Variants in DOLK observed in about 807,000 individuals in gnomAD.
The protein encoded by DOLK is SEC59 homolog.
DOLK carries 20 observed loss-of-function variants against 31.7 expected under a neutral mutation model. The ratio of observed to expected loss-of-function variants is 0.63; its 90% CI spans 0.44 to 0.92. DOLK has a LOEUF of 0.92. Among genes scored for constraint, DOLK ranks in the 40% least tolerant of loss-of-function variants. DOLK has a pLI of 0.00. For synonymous variants in DOLK, 309 were observed against 287.0 expected, an observed-to-expected ratio of 1.08 and a Z score of -0.77; for missense variants, 594 against 680.7, an observed-to-expected ratio of 0.87 and a Z score of 1.42.
chr9:128,946,551 G>A lies in DOLK; in HGVS notation c.753C>T (p.Gly251=). The A allele has an allele frequency of 6.2e-7, 1 of 1,614,110 alleles. No homozygotes were observed. The highest frequency in any genetic ancestry group is 1.3e-5 in the African/African-American group (1 of 75,016). ...GGAAGAAGATGGAGGAGGCCCAGGT[G>A]CCTGAGTCCATGAAGACAAACAGAG... The part of the protein sequence containing the change: ...FSTLFVFMDS[G]TWASSIFFHL... The change falls in exon 1 of 1, where the codon GGC becomes GGT. Residue 251 remains glycine, a synonymous_variant. Coordinates refer to ENST00000372586, the MANE Select transcript of DOLK (RefSeq NM_014908.4).
rs777005399 is a variant in DOLK at position 128,947,130 on chromosome 9, G to C, written c.174C>G (p.Tyr58Ter). ...ALAVQAFYVQ[Y>*]KWDRLLQQGS... is the part of the protein sequence containing the mutation. ...CCTGCTGTAGCAGCCGGTCCCACTT[G>C]TATTGGACGTAGAAGGCCTGCACTG... is the stretch of plus-strand genomic sequence containing the variant. Residue 58 changes from tyrosine to a stop codon, truncating the protein, a stop_gained, in exon 1 of 1, where the codon TAC (tyrosine) becomes TAG (stop). Transcript: ENST00000372586. LOFTEE classifies it high-confidence loss of function. 1 of 1,613,946 alleles carries C rather than the reference G, an allele frequency of 6.2e-7. No individual in the cohort carries two copies. The highest frequency in any genetic ancestry group is 8.5e-7 in the Non-Finnish European group (1 of 1,180,024).
chr9:128,945,759 G>C lies in DOLK; in HGVS notation c.1545C>G (p.Leu515=). 2 of 1,614,180 alleles carry C rather than the reference G, an allele frequency of 1.2e-6. No homozygotes were observed. Among genetic ancestry groups the C allele is most frequent in the Non-Finnish European group, 1.7e-6 (2 of 1,180,036 alleles). Residue 515 remains leucine (L), a synonymous_variant, in exon 1 of 1, where the codon CTC becomes CTG. Transcript: ENST00000372586. ...WILGSISTVS[L]LEAYTTQIDN... Reference sequence around the variant, plus strand: ...CTATCTGTGTAGTGTATGCTTCCAGGAGGGACACAGTGCTGATGGACCCCA... The same window carrying C: ...CTATCTGTGTAGTGTATGCTTCCAGCAGGGACACAGTGCTGATGGACCCCA...
At position 128,946,028 on chromosome 9, in the gene DOLK, AG is replaced by A. The variant is rs1401485925; in HGVS notation, c.1275del (p.Cys426AlafsTer52). ...CCTCCCAGGCTACCCTTCTGTGTGCAGGGTCTGGGGATCAGCCAGATGGGAA... is the reference window on the plus strand; with the variant it reads ...CCTCCCAGGCTACCCTTCTGTGTGCAGGTCTGGGGATCAGCCAGATGGGAA... ...MSLPIWLIPRPCTQKGSLGGA... is the reference protein window; with the variant it reads ...MSLPIWLIPRXCTQKGSLGGA... On this transcript the variant is annotated frameshift_variant, in exon 1 of 1. Transcript: ENST00000372586. LOFTEE classifies it high-confidence loss of function. 2 of 1,614,126 alleles carry A rather than the reference AG, an allele frequency of 1.2e-6. No individual in the cohort carries two copies. The highest frequency in any genetic ancestry group is 1.7e-6 in the Non-Finnish European group (2 of 1,180,028).
At position 128,946,430 on chromosome 9, in the gene DOLK, A is replaced by G. The variant is rs761583636; in HGVS notation, c.874T>C (p.Phe292Leu). 6.2e-7 allele frequency: 1 copy of G among 1,614,096 alleles called. No homozygotes were observed. Among genetic ancestry groups the G allele is most frequent in the East Asian group, 2.2e-5 (1 of 44,874 alleles). Residue 292 changes from phenylalanine to leucine, a missense_variant, in exon 1 of 1, where the codon TTC becomes CTC. By Grantham distance (22) the Phe-to-Leu change is conservative. Coordinates refer to ENST00000372586, the MANE Select transcript of DOLK (RefSeq NM_014908.4). Reference protein sequence around the residue: ...NPLLWLLQFLFQTDTRIYLLA... With the variant: ...NPLLWLLQFLLQTDTRIYLLA... ...AGGTAGATGCGGGTGTCTGTCTGGAAGAGAAACTGAAGAAGCCAGAGCAGG... is the reference window on the plus strand; with the variant it reads ...AGGTAGATGCGGGTGTCTGTCTGGAGGAGAAACTGAAGAAGCCAGAGCAGG...
rs2131129450 is a variant in DOLK at position 128,947,270 on chromosome 9, G to T, written c.34C>A (p.Pro12Thr). The change falls in exon 1 of 1, where the codon CCT becomes ACT. Residue 12 changes from proline to threonine, a missense_variant. Pro to Thr is a conservative substitution (Grantham distance 38, BLOSUM62 -1). Coordinates refer to ENST00000372586, the MANE Select transcript of DOLK (RefSeq NM_014908.4). The stretch of plus-strand genomic sequence containing the variant: ...ACCGATCCACTCAGCGGAGCCCCAG[G>T]CCCCGGGGCCGGAGATGGGCACTCT... Reference protein sequence around the residue: ...TRECPSPAPGPGAPLSGSVLA... With the variant: ...TRECPSPAPGTGAPLSGSVLA... The T allele has an allele frequency of 6.2e-7, 1 of 1,613,296 alleles. No homozygotes were observed. The highest frequency in any genetic ancestry group is 8.5e-7 in the Non-Finnish European group (1 of 1,179,980).
Position 128,947,250 on chromosome 9 carries a change from T to G in DOLK, c.54A>C (p.Gly18=). The G allele has an allele frequency of 6.2e-7, 1 of 1,613,402 alleles. No homozygotes were observed. Among genetic ancestry groups the G allele is most frequent in the Non-Finnish European group, 8.5e-7 (1 of 1,179,942 alleles). The change falls in exon 1 of 1, where the codon GGA becomes GGC. Residue 18 remains glycine (G), a synonymous_variant. Coordinates refer to ENST00000372586, the MANE Select transcript of DOLK (RefSeq NM_014908.4). Reference sequence around the variant, plus strand: ...CTACTGCCGCCTCTGCCAGCACCGATCCACTCAGCGGAGCCCCAGGCCCCG... The same window carrying G: ...CTACTGCCGCCTCTGCCAGCACCGAGCCACTCAGCGGAGCCCCAGGCCCCG... ...PAPGPGAPLS[G]SVLAEAAVVF...
rs1385561774 is a variant in DOLK, at chr9:128,947,117, G to C, written c.187C>G (p.Leu63Val). Reference sequence around the variant, plus strand: ...AAGACGGCGCTTCCCTGCTGTAGCAGCCGGTCCCACTTGTATTGGACGTAG... The same window carrying C: ...AAGACGGCGCTTCCCTGCTGTAGCACCCGGTCCCACTTGTATTGGACGTAG... ...AFYVQYKWDR[L>V]LQQGSAVFQF... is the part of the protein sequence containing the mutation. Residue 63 changes from leucine (L) to valine (V), a missense_variant, in exon 1 of 1, where the codon CTG becomes GTG. By Grantham distance (32) the Leu-to-Val change is conservative (BLOSUM62 1). Coordinates refer to ENST00000372586, the MANE Select transcript of DOLK (RefSeq NM_014908.4). The C allele has an allele frequency of 1.9e-6, 3 of 1,613,870 alleles. No individual in the cohort carries two copies. Among genetic ancestry groups the C allele is most frequent in the African/African-American group, 2.7e-5 (2 of 74,912 alleles).
chr9:128,947,525 C>T lies in DOLK; in HGVS notation c.-222G>A. The T allele has an allele frequency of 2.2e-6, 2 of 898,552 alleles. No individual in the cohort carries two copies. The highest frequency in any genetic ancestry group is 1.7e-6 in the Non-Finnish European group (1 of 593,856). 55.7% of individuals were successfully genotyped at this position (898,552 alleles called of 1,614,324 possible). A position where few individuals can be genotyped will look rare whatever the true frequency, so the allele number is the denominator to read the frequency against. ...AGCCTCCAACCTACGGCGTAGACGT[C>T]GCCACTCTGCAGCCTTCCTCACAGT... is the stretch of plus-strand genomic sequence containing the variant. On this transcript the variant is annotated 5_prime_UTR_variant, in exon 1 of 1. Transcript: ENST00000372586.
rs1841700200 is a variant in DOLK at position 128,947,600 on chromosome 9, T to C, written c.-297A>G. 3.9e-6 allele frequency: 5 copies of C among 1,274,586 alleles called. No individual in the cohort carries two copies. The highest frequency in any genetic ancestry group is 5.3e-6 in the Non-Finnish European group (5 of 951,246). The allele number at this position is 1,274,586 out of a possible 1,614,324, so 79.0% of individuals were successfully genotyped here. A position where few individuals can be genotyped will look rare whatever the true frequency, so the allele number is the denominator to read the frequency against. ...CTCACCTCTTTGGGCCTCGCCATCT[T>C]GGCACCGCCCCGCGGCAACGTCACG... is the stretch of plus-strand genomic sequence containing the variant. On this transcript the variant is annotated 5_prime_UTR_variant, in exon 1 of 1. Coordinates refer to ENST00000372586, the MANE Select transcript of DOLK (RefSeq NM_014908.4).
chr9:128,945,825 A>G lies in DOLK; in HGVS notation c.1479T>C (p.Phe493=). Residue 493 remains phenylalanine (F), a synonymous_variant, in exon 1 of 1, where the codon TTT becomes TTC. Transcript: ENST00000372586. ...TGTAGTTTAGGTCCACTCCACTGTC[A>G]AAGATTAAGATCAGAGCTACAGAAA... is the stretch of plus-strand genomic sequence containing the variant. ...QIISVALILI[F]DSGVDLNYSY... The G allele has an allele frequency of 1.2e-6, 2 of 1,614,238 alleles. No homozygotes were observed. Among genetic ancestry groups the G allele is most frequent in the Non-Finnish European group, 1.7e-6 (2 of 1,180,044 alleles).
rs1319843860 is a variant in DOLK, at chr9:128,946,297, G to A, written c.1007C>T (p.Ala336Val). 1.9e-6 allele frequency: 3 copies of A among 1,614,164 alleles called. No homozygotes were observed. Among genetic ancestry groups the A allele is most frequent in the Non-Finnish European group, 2.5e-6 (3 of 1,180,048 alleles). The change falls in exon 1 of 1, where the codon GCC (alanine) becomes GTC (valine). Residue 336 changes from alanine (A) to valine (V), a missense_variant. Physicochemically the swap from Ala to Val is moderately conservative, Grantham distance 64 (BLOSUM62 0). Coordinates refer to ENST00000372586, the MANE Select transcript of DOLK (RefSeq NM_014908.4). Reference sequence around the variant, plus strand: ...CACAATGAGGTGGAAATACTTTCGGGCGATGGTGGGGGCCTGGTGCTTCTT... The same window carrying A: ...CACAATGAGGTGGAAATACTTTCGGACGATGGTGGGGGCCTGGTGCTTCTT... ...ESKKHQAPTIARKYFHLIVVA... is the reference protein window; with the variant it reads ...ESKKHQAPTIVRKYFHLIVVA...
chr9:128,947,120 G>T lies in DOLK; in HGVS notation c.184C>A (p.Arg62=), dbSNP rs533764998. 5.6e-6 allele frequency: 9 copies of T among 1,613,934 alleles called. No individual in the cohort carries two copies. The African/African-American group carries it at 6.7e-5, about 12-fold the overall frequency. The part of the protein sequence containing the change: ...QAFYVQYKWD[R]LLQQGSAVFQ... The stretch of plus-strand genomic sequence containing the variant: ...ACGGCGCTTCCCTGCTGTAGCAGCC[G>T]GTCCCACTTGTATTGGACGTAGAAG... Residue 62 remains arginine, a synonymous_variant, in exon 1 of 1, where the codon CGG becomes AGG. Transcript: ENST00000372586.
Position 128,946,960 on chromosome 9 carries a change from GC to G in DOLK, c.343del (p.Ala115GlnfsTer41). Reference protein sequence around the residue: ...PFFERFGIVVAATGMAVALFS... With the variant: ...PFFERFGIVVXATGMAVALFS... ...GAGGGCCACTGCCATGCCAGTGGCTGCCACCACAATGCCAAAACGCTCAAAG... is the reference window on the plus strand; with the variant it reads ...GAGGGCCACTGCCATGCCAGTGGCTGCACCACAATGCCAAAACGCTCAAAG... On this transcript the variant is annotated frameshift_variant, in exon 1 of 1. Coordinates refer to ENST00000372586, the MANE Select transcript of DOLK (RefSeq NM_014908.4). LOFTEE classifies it high-confidence loss of function. 6.2e-7 allele frequency: 1 copy of G among 1,602,908 alleles called. No homozygotes were observed. Among genetic ancestry groups the G allele is most frequent in the Non-Finnish European group, 8.5e-7 (1 of 1,178,210 alleles).
chr9:128,946,701 A>C lies in DOLK; in HGVS notation c.603T>G (p.Ile201Met), dbSNP rs765382712. The change falls in exon 1 of 1, where the codon ATT (isoleucine) becomes ATG (methionine). Residue 201 changes from isoleucine (I) to methionine (M), a missense_variant. Physicochemically the swap from Ile to Met is conservative, Grantham distance 10. Coordinates refer to ENST00000372586, the MANE Select transcript of DOLK (RefSeq NM_014908.4). ...PGEALLVLGG[I>M]SFVLNQLIKR... ...TGATGAGCTGGTTGAGGACAAAGCTAATGCCACCCAATACCAGCAGTGCCT... is the reference window on the plus strand; with the variant it reads ...TGATGAGCTGGTTGAGGACAAAGCTCATGCCACCCAATACCAGCAGTGCCT... 8.7e-6 allele frequency: 14 copies of C among 1,613,996 alleles called. No homozygotes were observed. Among genetic ancestry groups the C allele is most frequent in the Non-Finnish European group, 1.2e-5 (14 of 1,180,038 alleles).
rs922202372 is a variant in DOLK, at chr9:128,947,560, C to T, written c.-257G>A. On this transcript the variant is annotated 5_prime_UTR_variant, in exon 1 of 1. Coordinates refer to ENST00000372586, the MANE Select transcript of DOLK (RefSeq NM_014908.4). ...CAGCCTTCCTCACAGTTACAGCCGC[C>T]CCCGCTGCCGGCTCCTCACCTCTTT... The T allele has an allele frequency of 2.0e-6, 2 of 1,008,384 alleles. No homozygotes were observed. Among genetic ancestry groups the T allele is most frequent in the Non-Finnish European group, 2.9e-6 (2 of 699,902 alleles). The allele number at this position is 1,008,384 out of a possible 1,614,324, so 62.5% of individuals were successfully genotyped here.
In DOLK at chr9:128,946,809, G is replaced by A. The variant is rs149177994; in HGVS notation, c.495C>T (p.Ile165=). Residue 165 remains isoleucine (I), a synonymous_variant, in exon 1 of 1, where the codon ATC becomes ATT. Coordinates refer to ENST00000372586, the MANE Select transcript of DOLK (RefSeq NM_014908.4). The part of the protein sequence containing the change: ...MKHSLSVGEV[I]EVLEVLLIFV... ...AGATCAGAAGGACTTCCAGGACTTC[G>A]ATCACCTCCCCCACGCTCAACGAGT... 2 of 1,613,630 alleles carry A rather than the reference G, an allele frequency of 1.2e-6. No homozygotes were observed. The highest frequency in any genetic ancestry group is 1.1e-5 in the South Asian group (1 of 91,054).
At position 128,946,844 on chromosome 9, in the gene DOLK, T is replaced by A; in HGVS notation, c.460A>T (p.Ile154Phe). 1.2e-6 allele frequency: 2 copies of A among 1,611,892 alleles called. No homozygotes were observed. Among genetic ancestry groups the A allele is most frequent in the Non-Finnish European group, 1.7e-6 (2 of 1,179,996 alleles). Residue 154 changes from isoleucine to phenylalanine, a missense_variant, in exon 1 of 1, where the codon ATC (isoleucine) becomes TTC (phenylalanine). Transcript: ENST00000372586. The stretch of plus-strand genomic sequence containing the variant: ...CCCACGCTCAACGAGTGCTTCATGA[T>A]ATAAATGATAACACCTCCAGCCAAG... ...LGLAGGVIIY[I>F]MKHSLSVGEV...
rs1564545838 is a variant in DOLK at position 128,946,276 on chromosome 9, A to G, written c.1028T>C (p.Ile343Thr). 2 of 1,614,120 alleles carry G rather than the reference A, an allele frequency of 1.2e-6. No individual in the cohort carries two copies. Among genetic ancestry groups the G allele is most frequent in the Middle Eastern group, 1.6e-4 (1 of 6,062 alleles). ...ACCTGGGATGTAGGTGGCTACCACAATGAGGTGGAAATACTTTCGGGCGAT... is the reference window on the plus strand; with the variant it reads ...ACCTGGGATGTAGGTGGCTACCACAGTGAGGTGGAAATACTTTCGGGCGAT... ...PTIARKYFHL[I>T]VVATYIPGII... The change falls in exon 1 of 1, where the codon ATT (isoleucine) becomes ACT (threonine). Residue 343 changes from isoleucine to threonine, a missense_variant. Ile to Thr is a moderately conservative substitution (Grantham distance 89). Coordinates refer to ENST00000372586, the MANE Select transcript of DOLK (RefSeq NM_014908.4).
In DOLK at chr9:128,946,997, C is replaced by T; in HGVS notation, c.307G>A (p.Gly103Arg). Reference protein sequence around the residue: ...LVMKERCQTAGNPFFERFGIV... With the variant: ...LVMKERCQTARNPFFERFGIV... ...CCAAAACGCTCAAAGAACGGGTTCC[C>T]AGCAGTCTGGCACCGCTCCTTCATG... Residue 103 changes from glycine (G) to arginine (R), a missense_variant, in exon 1 of 1, where the codon GGG becomes AGG. By Grantham distance (125) the Gly-to-Arg change is moderately radical. Transcript: ENST00000372586. The T allele has an allele frequency of 1.9e-6, 3 of 1,608,956 alleles. No individual in the cohort carries two copies. The highest frequency in any genetic ancestry group is 2.2e-5 in the South Asian group (2 of 91,080).
Sources: gnomAD v4.1 joint callset for allele counts on GRCh38, gnomAD v4.1.1 for gene constraint, MANE v1.5 for transcripts, NCBI Gene and HGNC (gene_info 2026-07-23, HGNC 2026-07-21) for gene names.